Variants in FBXW4 observed in about 807,000 individuals in gnomAD.
FBXW4 encodes the protein F-box and WD repeat domain containing 4, also known as F-box/WD repeat-containing protein 4.
A neutral mutation model predicts 61.8 loss-of-function variants in FBXW4; 40 were observed. The ratio of observed to expected loss-of-function variants is 0.65; its 90% CI spans 0.50 to 0.84. FBXW4 has a LOEUF of 0.84. Ranked by LOEUF, FBXW4 falls within the 40% of genes least tolerant of loss-of-function variation. The pLI is 0.00. For missense variants in FBXW4, 672 were observed against 753.8 expected (o/e 0.89, Z 1.27); for synonymous variants, 311 against 313.8 (o/e 0.99, Z 0.10).
intron 6 of FBXW4, among the ~76,000 whole-genome samples, chr10:101,618,403 CAG>C (rs369398066): frequency 1.6e-3 from 237 of 152,264 alleles, no homozygotes; most frequent in African/African-American, 5.4e-3. Flanking sequence ...TCATTAGGCA[CAG>C]AGGGGGTATT....
At chr10:101,642,667 C>T (rs931031570) in intron 5 of FBXW4, among the ~76,000 whole-genome samples, 1 of 152,210 alleles carries the variant, frequency 6.6e-6, no homozygotes, top group Admixed American at 6.5e-5. Flanking sequence ...TCTGAAGCCT[C>T]CTTGGTAGGC....
At chr10:101,682,445 G>T (rs992077707) in intron 1 of FBXW4, among the ~76,000 whole-genome samples, 1 of 152,082 alleles carries the variant, frequency 6.6e-6, no homozygotes, top group African/African-American at 2.4e-5. Flanking sequence ...TTCCCTGTCT[G>T]CTCCTCGTAT....
chr10:101,676,761 C>T (rs1178987799), intron 1 of FBXW4: 1 of 168,158 alleles, frequency 5.9e-6, no homozygotes, highest in Non-Finnish European at 1.2e-5. Flanking sequence ...ACCCCTACCT[C>T]ACACCATACA....
At position 101,624,769 on chromosome 10, in the gene FBXW4, G is replaced by T. The variant is rs1419049262; in HGVS notation, c.1277C>A (p.Pro426His). ...TGTACCGHFS[P>H]LRIWDLNSGQ... Reference sequence around the variant, plus strand: ...CCTGTTGAGGTCCCAGATTCTCAGGGGTGAGAAGTGCCCGCAACAAGCCGT... The same window carrying T: ...CCTGTTGAGGTCCCAGATTCTCAGGTGTGAGAAGTGCCCGCAACAAGCCGT... The change falls in exon 6 of 9, where the codon CCC becomes CAC. Residue 426 changes from proline (P) to histidine (H), a missense_variant. Physicochemically the swap from Pro to His is moderately conservative, Grantham distance 77. Coordinates refer to ENST00000331272, the MANE Select transcript of FBXW4 (RefSeq NM_022039.4). 1.2e-6 allele frequency: 2 copies of T among 1,614,214 alleles called. No individual in the cohort carries two copies. Among genetic ancestry groups the T allele is most frequent in the Non-Finnish European group, 1.7e-6 (2 of 1,180,042 alleles).
At chr10:101,632,528 T>C (rs1490150595) in intron 5 of FBXW4, among the ~76,000 whole-genome samples, 1 of 150,720 alleles carries the variant, frequency 6.6e-6, no homozygotes, top group African/African-American at 2.4e-5. Flanking sequence ...AAGCCTGAGG[T>C]TTCTGATTCA....
At chr10:101,671,261 G>C (rs1366139535) in intron 4 of FBXW4, among the ~76,000 whole-genome samples, 1 of 152,186 alleles carries the variant, frequency 6.6e-6, no homozygotes, top group Non-Finnish European at 1.5e-5. Context: ...GAAGTCACAG[G>C]GGAGCTGCAA....
intron 5 of FBXW4, among the ~76,000 whole-genome samples, chr10:101,635,886 C>T (rs2063997295): frequency 6.6e-6 from 1 of 151,392 alleles, no homozygotes; most frequent in Non-Finnish European, 1.5e-5. Context: ...CCTCCAGCAT[C>T]CTGCCTTGGA....
chr10:101,694,302 C>T lies in FBXW4; in HGVS notation c.725+79G>A. ...GGGGTGCGACACGACCCTGGGCCGACCAGGCCGCGGCGCCCCGCCCTTTCC... is the reference window on the plus strand; with the variant it reads ...GGGGTGCGACACGACCCTGGGCCGATCAGGCCGCGGCGCCCCGCCCTTTCC... On this transcript the variant is annotated intron_variant, in intron 1 of 8. Transcript: ENST00000331272. This position sits in a 1 kb window ranked among gnomAD's most constrained non-coding sequence, Gnocchi z 6.0. 3.1e-6 allele frequency: 4 copies of T among 1,298,898 alleles called. 1 individual carries two copies. The South Asian group carries it at 6.0e-5, about 20-fold the overall frequency. 80.5% of individuals were successfully genotyped at this position (1,298,898 alleles called of 1,614,324 possible).
At chr10:101,660,084 G>A in intron 5 of FBXW4, 5 of 985,446 alleles carry the variant, frequency 5.1e-6, no homozygotes, top group Non-Finnish European at 6.0e-6. Flanking sequence ...GGAAGGAAGG[G>A]CGGGAGGGGT....
Position 101,611,156 on chromosome 10 carries a change from G to C in FBXW4, c.*135C>G. On this transcript the variant is annotated 3_prime_UTR_variant, in exon 9 of 9. Transcript: ENST00000331272. This position sits in a 1 kb window ranked among gnomAD's most constrained non-coding sequence, Gnocchi z 4.9. ...CAGGAGTCAGAAGCCTCTAGTGCAA[G>C]GTGCCTGAGCACTGGGGTCACAGGC... 8.5e-7 allele frequency: 1 copy of C among 1,171,274 alleles called. No homozygotes were observed. The highest frequency in any genetic ancestry group is 1.2e-6 in the Non-Finnish European group (1 of 833,694). The allele number at this position is 1,171,274 out of a possible 1,614,324, so 72.6% of individuals were successfully genotyped here. A position where few individuals can be genotyped will look rare whatever the true frequency, so the allele number is the denominator to read the frequency against.
chr10:101,650,888 G>A (rs1377640131), intron 5 of FBXW4, among the ~76,000 whole-genome samples: 1 of 152,178 alleles, frequency 6.6e-6, no homozygotes, highest in Non-Finnish European at 1.5e-5. Flanking sequence ...TACAAAGATC[G>A]GGCTCTCGAG....
intron 1 of FBXW4, among the ~76,000 whole-genome samples, chr10:101,693,333 TACTC>T (rs1278718496): frequency 2.0e-5 from 3 of 152,216 alleles, no homozygotes; most frequent in African/African-American, 7.2e-5. Context: ...GTAAAGCTGT[TACTC>T]AAAAATGCAT....
At chr10:101,684,255 C>G (rs1394467906) in intron 1 of FBXW4, among the ~76,000 whole-genome samples, 2 of 152,264 alleles carry the variant, frequency 1.3e-5, no homozygotes, top group Non-Finnish European at 2.9e-5. Flanking sequence ...TCCCAAGGAG[C>G]TGGGACTACA....
At position 101,672,898 on chromosome 10, in the gene FBXW4, G is replaced by A. The variant is rs1212994363; in HGVS notation, c.1140+17C>T. 6.2e-7 allele frequency: 1 copy of A among 1,613,486 alleles called. No individual in the cohort carries two copies. The highest frequency in any genetic ancestry group is 1.1e-5 in the South Asian group (1 of 90,968). On this transcript the variant is annotated intron_variant, in intron 4 of 8. Coordinates refer to ENST00000331272, the MANE Select transcript of FBXW4 (RefSeq NM_022039.4). ...GACAGGAGGGAGTAATAGTATGTAA[G>A]GGGGAGACCACCTCACCTTGGCCGT...
At chr10:101,615,131 C>T (rs2134800534) in intron 6 of FBXW4, among the ~76,000 whole-genome samples, 1 of 152,300 alleles carries the variant, frequency 6.6e-6, no homozygotes, top group Non-Finnish European at 1.5e-5. Context: ...AGACATTTCA[C>T]CCCTTTTCTC....
intron 5 of FBXW4, among the ~76,000 whole-genome samples, chr10:101,650,555 C>T (rs1003220553): frequency 3.3e-5 from 5 of 152,194 alleles, no homozygotes; most frequent in African/African-American, 9.7e-5. Context: ...TAGAACTAAC[C>T]GCCCCCCTCA....
At chr10:101,637,952 C>A (rs995562688) in intron 5 of FBXW4, among the ~76,000 whole-genome samples, 1 of 152,004 alleles carries the variant, frequency 6.6e-6, no homozygotes, top group African/African-American at 2.4e-5. Context: ...TTTCAAAAAA[C>A]GGATATTACC....
Position 101,694,432 on chromosome 10 carries a change from C to G in FBXW4, c.674G>C (p.Arg225Pro). 2 of 1,528,602 alleles carry G rather than the reference C, an allele frequency of 1.3e-6. No individual in the cohort carries two copies. Among genetic ancestry groups the G allele is most frequent in the Non-Finnish European group, 8.7e-7 (1 of 1,150,662 alleles). The allele number at this position is 1,528,602 out of a possible 1,614,324, so 94.7% of individuals were successfully genotyped here. A position where few individuals can be genotyped will look rare whatever the true frequency, so the allele number is the denominator to read the frequency against. Residue 225 changes from arginine (R) to proline (P), a missense_variant, in exon 1 of 9, where the codon CGG becomes CCG. Transcript: ENST00000331272. The surrounding 1 kb of genome is among the most constrained non-coding windows in gnomAD (Gnocchi z 6.0). ...GGAGTTGAGCGAGGCCCGGGCTATC[C>G]GGCGCCAGAGCAGATCGCAGCTGGT... is the stretch of plus-strand genomic sequence containing the variant. The part of the protein sequence containing the change: ...RFTSCDLLWR[R>P]IARASLNSGF...
At chr10:101,626,143 C>G (rs956780987) in intron 5 of FBXW4, 5 of 152,382 alleles carry the variant, frequency 3.3e-5, no homozygotes, top group African/African-American at 1.2e-4. Context: ...TGACTCAAGC[C>G]AAGACTTCCT....
Sources: allele counts gnomAD v4.1 joint callset (sites outside exome capture counted in the v4.1 genomes callset), GRCh38; gene constraint gnomAD v4.1.1; non-coding constraint Gnocchi (gnomAD v3.1); transcripts MANE v1.5; gene names NCBI Gene and HGNC (gene_info 2026-07-23, HGNC 2026-07-21).